FUT9: variants seen among roughly 807,000 people sequenced by gnomAD.
FUT9 encodes fucosyltransferase 9.
FUT9 carries 15 observed loss-of-function variants against 29.7 expected under a neutral mutation model. The observed-to-expected ratio is 0.51, with a 90% CI of 0.34 to 0.78. FUT9 has a LOEUF of 0.78. Among genes scored for constraint, FUT9 ranks in the 30% least tolerant of loss-of-function variants. The pLI is 0.01. For synonymous variants in FUT9, 169 were observed against 153.7 expected (o/e 1.10, Z -0.74); for missense variants, 319 against 425.4 (o/e 0.75, Z 2.20).
At chr6:96,025,841 T>C (rs1770158130) in intron 1 of FUT9, among the ~76,000 whole-genome samples, 1 of 151,656 alleles carries the variant, frequency 6.6e-6, no homozygotes, top group Admixed American at 6.6e-5. Context: ...CACAGTTGAA[T>C]GGATGCTGGT....
intron 2 of FUT9, among the ~76,000 whole-genome samples, chr6:96,135,395 C>T (rs10447457): frequency 0.35 from 52,316 of 151,620 alleles, 10,482 homozygotes; most frequent in Middle Eastern, 0.5. Flanking sequence ...AATGAATGAG[C>T]ACTACTTATT....
At chr6:96,027,021 G>C (rs942405894) in intron 1 of FUT9, among the ~76,000 whole-genome samples, 1 of 151,558 alleles carries the variant, frequency 6.6e-6, no homozygotes, top group Admixed American at 6.6e-5. Context: ...TATGTCCCAT[G>C]ATGAATAACT....
chr6:96,051,860 T>A (rs1220731874), intron 1 of FUT9, among the ~76,000 whole-genome samples: 1 of 152,108 alleles, frequency 6.6e-6, no homozygotes, highest in East Asian at 1.9e-4. Context: ...TGGATTAGAA[T>A]TCTGGTGGTA....
rs9404149 is a variant in FUT9 at position 96,025,497 on chromosome 6, G to T, written c.-98+9285G>T. ...CTTCCTGAAATTTTTCAACATTCTTGGATGAGTGTGTATATCCTTTGATAC... is the reference window on the plus strand; with the variant it reads ...CTTCCTGAAATTTTTCAACATTCTTTGATGAGTGTGTATATCCTTTGATAC... On this transcript the variant is annotated intron_variant, in intron 1 of 2. Transcript: ENST00000302103. Among the ~76,000 whole-genome samples the T allele has an allele frequency of 0.018, 2,689 of 151,724 alleles. 137 individuals carry two copies. In the East Asian group the frequency reaches 0.19, roughly 11 times the overall value.
At chr6:96,104,491 G>A (rs1288635135) in intron 1 of FUT9, among the ~76,000 whole-genome samples, 1 of 152,196 alleles carries the variant, frequency 6.6e-6, no homozygotes, top group Non-Finnish European at 1.5e-5. Context: ...GATGAAAAAT[G>A]TTGGCAGTAG....
intron 1 of FUT9, among the ~76,000 whole-genome samples, chr6:96,020,542 C>T (rs1279720678): frequency 6.6e-6 from 1 of 152,058 alleles, no homozygotes; most frequent in South Asian, 2.1e-4. Flanking sequence ...CACTGATAGC[C>T]AGAGGGATCA....
chr6:96,163,591 G>A (rs1177646721), intron 2 of FUT9, among the ~76,000 whole-genome samples: 1 of 152,066 alleles, frequency 6.6e-6, no homozygotes, highest in Non-Finnish European at 1.5e-5. Context: ...CCTCACCGCC[G>A]ATTTCCTTTT....
intron 1 of FUT9, among the ~76,000 whole-genome samples, chr6:96,101,178 T>C (rs1184989472): frequency 1.3e-5 from 2 of 152,222 alleles, no homozygotes; most frequent in Non-Finnish European, 2.9e-5. Flanking sequence ...TGTGGGCATG[T>C]TTGTGTGGGT....
At chr6:96,101,117 C>A (rs1771578782) in intron 1 of FUT9, among the ~76,000 whole-genome samples, 1 of 152,078 alleles carries the variant, frequency 6.6e-6, no homozygotes, top group African/African-American at 2.4e-5. Context: ...GCAAAGAATT[C>A]TAAATTTAAA....
chr6:96,137,216 T>C (rs1772364745), intron 2 of FUT9, among the ~76,000 whole-genome samples: 1 of 151,890 alleles, frequency 6.6e-6, no homozygotes, highest in Non-Finnish European at 1.5e-5. Context: ...GAAAAAAATA[T>C]GAGCCAACCA....
At chr6:96,117,286 G>T (rs4839813) in intron 2 of FUT9, among the ~76,000 whole-genome samples, 11,244 of 152,182 alleles carry the variant, frequency 0.074, 545 homozygotes, top group Admixed American at 0.1. Flanking sequence ...GTTTCACATT[G>T]CTAGAGAAAG....
intron 2 of FUT9, among the ~76,000 whole-genome samples, chr6:96,159,692 T>A (rs1182514491): frequency 2.0e-5 from 3 of 152,148 alleles, no homozygotes; most frequent in Non-Finnish European, 2.9e-5. Context: ...GTTCCATTCA[T>A]TTAGCTCCCA....
At chr6:96,126,091 T>C (rs1186346765) in intron 2 of FUT9, among the ~76,000 whole-genome samples, 1 of 152,176 alleles carries the variant, frequency 6.6e-6, no homozygotes, top group East Asian at 1.9e-4. Flanking sequence ...CTCTCTCATG[T>C]CGGCGCAGGT....
At chr6:96,131,486 G>A (rs894829875) in intron 2 of FUT9, among the ~76,000 whole-genome samples, 12 of 151,878 alleles carry the variant, frequency 7.9e-5, no homozygotes, top group African/African-American at 1.7e-4. Flanking sequence ...GTTTCAAATC[G>A]TCAACCTTAA....
rs182537316 is a variant in FUT9 at position 96,091,611 on chromosome 6, G to A, written c.-97-22428G>A. ...TAAGAACATTTTGAAATATATAGCT[G>A]AGAAATGTCATAATACTTGCAATGT... On this transcript the variant is annotated intron_variant, in intron 1 of 2. Transcript: ENST00000302103. 5.9e-5 allele frequency among the ~76,000 whole-genome samples: 9 copies of A among 152,216 alleles called. No homozygotes were observed. The East Asian group carries it at 1.5e-3, about 26-fold the overall frequency.
chr6:96,116,750 G>A (rs901664034), intron 2 of FUT9, among the ~76,000 whole-genome samples: 2 of 152,234 alleles, frequency 1.3e-5, no homozygotes, highest in South Asian at 2.1e-4. Flanking sequence ...AAAACATAGA[G>A]ATGGGAAGCA....
intron 2 of FUT9, among the ~76,000 whole-genome samples, chr6:96,136,029 C>T (rs1275298638): frequency 6.6e-6 from 1 of 150,938 alleles, no homozygotes; most frequent in Admixed American, 6.6e-5. Context: ...AGGTAATAGA[C>T]TTCCTTAGCA....
At chr6:96,026,595 AT>A (rs1770173128) in intron 1 of FUT9, among the ~76,000 whole-genome samples, 1 of 151,598 alleles carries the variant, frequency 6.6e-6, no homozygotes, top group Non-Finnish European at 1.5e-5. Flanking sequence ...TGGCCATAAT[AT>A]TTCTCCAATG....
At chr6:96,155,598 G>A (rs1177219067) in intron 2 of FUT9, among the ~76,000 whole-genome samples, 1 of 151,778 alleles carries the variant, frequency 6.6e-6, no homozygotes, top group Non-Finnish European at 1.5e-5. Flanking sequence ...GTGTGAACCT[G>A]GGAGGCGGAG....
Sources: allele counts gnomAD v4.1 joint callset (sites outside exome capture counted in the v4.1 genomes callset), GRCh38; gene constraint gnomAD v4.1.1; transcripts MANE v1.5; gene names NCBI Gene and HGNC (gene_info 2026-07-23, HGNC 2026-07-21).